ZRANB3: variants seen among roughly 807,000 people sequenced by gnomAD.
ZRANB3 encodes zinc finger RANBP2-type containing 3, also known as DNA annealing helicase and endonuclease ZRANB3.
A neutral mutation model predicts 133.8 loss-of-function variants in ZRANB3; 125 were observed. That is an observed-to-expected ratio of 0.93 (90% CI 0.81 to 1.08). ZRANB3 has a LOEUF of 1.08. Ranked by LOEUF, ZRANB3 falls within the 50% of genes least tolerant of loss-of-function variation. The pLI is 0.00. For synonymous variants in ZRANB3, 387 were observed against 432.7 expected, an observed-to-expected ratio of 0.89 and a Z score of 1.31; for missense variants, 1,229 against 1,275.5, an observed-to-expected ratio of 0.96 and a Z score of 0.56.
intron 2 of ZRANB3, among the ~76,000 whole-genome samples, chr2:135,437,136 T>C (rs1017858556): frequency 6.6e-6 from 1 of 152,156 alleles, no homozygotes; most frequent in Admixed American, 6.6e-5. Flanking sequence ...ATTTTTGTAC[T>C]TTTAGTAGAG....
At chr2:135,307,803 G>T (rs1299963378) in intron 8 of ZRANB3, among the ~76,000 whole-genome samples, 1 of 152,092 alleles carries the variant, frequency 6.6e-6, no homozygotes, top group Non-Finnish European at 1.5e-5. Context: ...TGTAGTCAGC[G>T]CTGAGTTCTG....
At chr2:135,273,462 G>C (rs1476806270) in intron 9 of ZRANB3, among the ~76,000 whole-genome samples, 1 of 151,808 alleles carries the variant, frequency 6.6e-6, no homozygotes, top group South Asian at 2.1e-4. Flanking sequence ...ATTCTCTCAG[G>C]GTCTTTCTAA....
chr2:135,203,016 T>A, intron 19 of ZRANB3, 53 bp from the exon 20 acceptor site: 1 of 1,582,010 alleles, frequency 6.3e-7, no homozygotes, highest in Non-Finnish European at 8.6e-7. Flanking sequence ...CAAGAAGTGT[T>A]TGTTGGTTTT....
intron 1 of ZRANB3, chr2:135,511,375 G>A: frequency 1.2e-6 from 1 of 801,776 alleles, no homozygotes; most frequent in Non-Finnish European, 2.3e-6. Context: ...TCAGCAACTG[G>A]CTCCTCTAAA....
intron 2 of ZRANB3, among the ~76,000 whole-genome samples, chr2:135,464,154 G>T (rs979160737): frequency 1.3e-5 from 2 of 152,166 alleles, no homozygotes; most frequent in African/African-American, 4.8e-5. Context: ...TCCATGAAAA[G>T]AAAGTGTTTC....
rs201217358 is a variant in ZRANB3 at position 135,420,091 on chromosome 2, T to TTATATATATATATATATATA, written c.162-29291_162-29272dup. Among the ~76,000 whole-genome samples, 149 of 72,416 alleles carry TTATATATATATATATATATA rather than the reference T, an allele frequency of 2.1e-3. 4 individuals carry two copies. Among genetic ancestry groups the TTATATATATATATATATATA allele is most frequent in the Middle Eastern group, 9.3e-3 (1 of 108 alleles). The allele number at this position is 72,416 out of a possible 152,430, so 47.5% of individuals were successfully genotyped here. On this transcript the variant is annotated intron_variant, in intron 2 of 20. Transcript: ENST00000264159. ...TAAGATACATATATATATCTTAGAT[T>TTATATATATATATATATATA]TATATATATATATATATATATATAT...
At chr2:135,370,880 GATA>G (rs2104898965) in intron 3 of ZRANB3, among the ~76,000 whole-genome samples, 2 of 152,304 alleles carry the variant, frequency 1.3e-5, no homozygotes, top group African/African-American at 4.8e-5. Flanking sequence ...CTGTTCGCAT[GATA>G]ATGAGTGAAT....
chr2:135,316,629 T>C (rs1297789532), intron 6 of ZRANB3, among the ~76,000 whole-genome samples: 1 of 152,158 alleles, frequency 6.6e-6, no homozygotes, highest in East Asian at 1.9e-4. Context: ...CATTAGCTTT[T>C]TAAAAAATAA....
At chr2:135,277,022 G>A (rs1001394651) in intron 8 of ZRANB3, among the ~76,000 whole-genome samples, 3 of 152,084 alleles carry the variant, frequency 2.0e-5, no homozygotes, top group African/African-American at 7.2e-5. Context: ...TTATTCTCTG[G>A]AGTGGATAAA....
intron 11 of ZRANB3, among the ~76,000 whole-genome samples, chr2:135,267,809 T>G (rs1395293715): frequency 6.6e-6 from 1 of 152,050 alleles, no homozygotes; most frequent in African/African-American, 2.4e-5. Flanking sequence ...AATGTTTGTA[T>G]CCCCCCCAAA....
At chr2:135,477,374 C>T (rs925363873) in intron 2 of ZRANB3, among the ~76,000 whole-genome samples, 1 of 152,210 alleles carries the variant, frequency 6.6e-6, no homozygotes, top group African/African-American at 2.4e-5. Context: ...ACAGAATACT[C>T]CCTTGACAAC....
At chr2:135,287,363 G>T (rs181326930) in intron 8 of ZRANB3, among the ~76,000 whole-genome samples, 1 of 152,166 alleles carries the variant, frequency 6.6e-6, no homozygotes, top group East Asian at 1.9e-4. Context: ...GATACCCCTG[G>T]ATTTGTTCTT....
intron 12 of ZRANB3, among the ~76,000 whole-genome samples, chr2:135,261,300 T>C (rs758234278): frequency 3.9e-5 from 6 of 152,180 alleles, no homozygotes; most frequent in Non-Finnish European, 8.8e-5. Context: ...GTAGACTAAA[T>C]TTCCTTAGTA....
At chr2:135,219,277 T>C in intron 15 of ZRANB3, 99 bp from the exon 16 acceptor site, 1 of 800,594 alleles carries the variant, frequency 1.2e-6, no homozygotes, top group South Asian at 2.2e-5. Flanking sequence ...ATATGCCTAG[T>C]CTCCTAAAAG....
chr2:135,296,418 T>C (rs566091899), intron 8 of ZRANB3, among the ~76,000 whole-genome samples: 4 of 152,364 alleles, frequency 2.6e-5, no homozygotes, highest in Admixed American at 2.6e-4. Context: ...TGCCATGGTT[T>C]TCAGCTCCAT....
At chr2:135,224,400 A>C in intron 15 of ZRANB3, 26 bp downstream of exon 15, 1 of 1,540,570 alleles carries the variant, frequency 6.5e-7, no homozygotes, top group Non-Finnish European at 8.8e-7. Context: ...TTATGTTTCA[A>C]GTTACAGAAT....
chr2:135,366,740 C>T (rs909195865), intron 3 of ZRANB3, among the ~76,000 whole-genome samples: 6 of 151,990 alleles, frequency 3.9e-5, no homozygotes, highest in African/African-American at 1.2e-4. Flanking sequence ...ATTTTTAGGC[C>T]GGGCGTGGTG....
intron 3 of ZRANB3, among the ~76,000 whole-genome samples, chr2:135,362,111 T>A (rs375068244): frequency 1.3e-5 from 2 of 148,800 alleles, no homozygotes; most frequent in East Asian, 4.0e-4. Context: ...GGCAGGAGAA[T>A]GGCATGAACC....
chr2:135,319,068 G>A (rs1431521844), intron 6 of ZRANB3, among the ~76,000 whole-genome samples: 1 of 152,242 alleles, frequency 6.6e-6, no homozygotes, highest in Non-Finnish European at 1.5e-5. Context: ...GAGTTGAGAA[G>A]AGGGGCAAGT....
Sources: allele counts gnomAD v4.1 joint callset (sites outside exome capture counted in the v4.1 genomes callset), GRCh38; gene constraint gnomAD v4.1.1; transcripts MANE v1.5; gene names NCBI Gene and HGNC (gene_info 2026-07-23, HGNC 2026-07-21).